The following TXNRD2 variants were observed in gnomAD, a reference collection of about 807,000 sequenced individuals.
The protein encoded by TXNRD2 is thioredoxin reductase 2.
In TXNRD2, 67 loss-of-function variants were observed where a neutral mutation model predicts 70.8. The ratio of observed to expected loss-of-function variants is 0.95; its 90% CI spans 0.78 to 1.16. The LOEUF is 1.16. TXNRD2 is among the 50% of genes most tolerant of loss of function. The pLI is 0.00. For missense variants in TXNRD2, 644 were observed against 719.9 expected (o/e 0.89, Z 1.21); for synonymous variants, 301 against 295.8 (o/e 1.02, Z -0.18).
chr22:19,914,319 C>T (rs1412150105), intron 7 of TXNRD2, among the ~76,000 whole-genome samples: 2 of 152,216 alleles, frequency 1.3e-5, no homozygotes, highest in Admixed American at 1.3e-4. Flanking sequence ...CGGCACTATT[C>T]ATAATAGCTA....
chr22:19,941,808 G>T lies in TXNRD2; in HGVS notation c.-5C>A, dbSNP rs761671459. ...CGCCACCGCCATTGCCGCCATCGTC[G>T]TGGGGCTTCTGGGGCAGCTAGGGCT... On this transcript the variant is annotated 5_prime_UTR_variant, in exon 1 of 18. Coordinates refer to ENST00000400521, the MANE Select transcript of TXNRD2 (RefSeq NM_006440.5). The T allele has an allele frequency of 3.3e-6, 5 of 1,532,898 alleles. No homozygotes were observed. The highest frequency in any genetic ancestry group is 2.6e-5 in the East Asian group (1 of 38,064). The allele number at this position is 1,532,898 out of a possible 1,614,324, so 95.0% of individuals were successfully genotyped here. A position where few individuals can be genotyped will look rare whatever the true frequency, so the allele number is the denominator to read the frequency against.
intron 5 of TXNRD2, 76 bp from the exon 6 acceptor site, chr22:19,915,919 T>C: frequency 7.3e-7 from 1 of 1,366,164 alleles, no homozygotes. Context: ...TAGGGAACAC[T>C]GGTAAAAGGG....
chr22:19,883,215 C>T (rs1180395387), intron 12 of TXNRD2, 110 bp downstream of exon 12: 2 of 1,407,078 alleles, frequency 1.4e-6, no homozygotes, highest in Non-Finnish European at 1.9e-6. Context: ...CCTCTGTCAT[C>T]AGAGAAAGTG....
intron 10 of TXNRD2, among the ~76,000 whole-genome samples, chr22:19,897,726 C>T (rs925862207): frequency 6.6e-6 from 1 of 152,176 alleles, no homozygotes; most frequent in African/African-American, 2.4e-5. Context: ...CAGCACACAC[C>T]GGCCTCTTAC....
chr22:19,941,657 G>A (rs1217337236), intron 1 of TXNRD2, 44 bp downstream of exon 1: 1 of 1,426,954 alleles, frequency 7.0e-7, no homozygotes, highest in Non-Finnish European at 9.1e-7. Context: ...GGACACCCCG[G>A]CCGCGCGGAC....
At chr22:19,896,796 G>T (rs527326005) in intron 10 of TXNRD2, among the ~76,000 whole-genome samples, 159 of 152,308 alleles carry the variant, frequency 1.0e-3, no homozygotes, top group Non-Finnish European at 1.9e-3. Flanking sequence ...TCTAGATGGC[G>T]TGTGTGGGAG....
At chr22:19,912,634 G>T (rs1481356635) in intron 7 of TXNRD2, among the ~76,000 whole-genome samples, 1 of 152,188 alleles carries the variant, frequency 6.6e-6, no homozygotes, top group African/African-American at 2.4e-5. Context: ...CAGGAGAGGG[G>T]ATCACTGGGA....
chr22:19,934,814 G>A (rs912935124), intron 1 of TXNRD2, among the ~76,000 whole-genome samples: 6 of 151,996 alleles, frequency 3.9e-5, no homozygotes, highest in African/African-American at 9.7e-5. Context: ...TGGCTGCCTC[G>A]GCCTCTCAAA....
At chr22:19,920,828 T>C (rs762024922) in intron 2 of TXNRD2, among the ~76,000 whole-genome samples, 53 of 152,250 alleles carry the variant, frequency 3.5e-4, no homozygotes, top group Non-Finnish European at 6.6e-4. Flanking sequence ...CTTGGCTGGG[T>C]GCAGCGGCTC....
chr22:19,927,148 G>A (rs528726837), intron 2 of TXNRD2, among the ~76,000 whole-genome samples: 1 of 152,120 alleles, frequency 6.6e-6, no homozygotes, highest in African/African-American at 2.4e-5. Context: ...ACAAAAATTA[G>A]CTGGGCGTGG....
At chr22:19,941,196 C>T (rs1941700068) in intron 1 of TXNRD2, among the ~76,000 whole-genome samples, 1 of 152,128 alleles carries the variant, frequency 6.6e-6, no homozygotes, top group Admixed American at 6.5e-5. Context: ...TCCTGAGTGA[C>T]CAGACACCCA....
intron 2 of TXNRD2, among the ~76,000 whole-genome samples, chr22:19,920,927 C>T (rs1041815341): frequency 1.3e-5 from 2 of 152,020 alleles, no homozygotes; most frequent in South Asian, 2.1e-4. Context: ...ACGGTGAAAC[C>T]CTGTCTCTAC....
intron 12 of TXNRD2, among the ~76,000 whole-genome samples, chr22:19,882,645 G>A (rs989669325): frequency 9.2e-5 from 14 of 152,212 alleles, no homozygotes; most frequent in Admixed American, 6.5e-5. Context: ...AGCTCTCAGC[G>A]ACCCTCCAGA....
rs149026182 is a variant in TXNRD2, at chr22:19,923,585, G to A, written c.173-3986C>T. Among the ~76,000 whole-genome samples, 381 of 152,228 alleles carry A rather than the reference G, an allele frequency of 2.5e-3. 5 individuals carry two copies. The South Asian group carries it at 0.029, about 12-fold the overall frequency. ...GCAGATCACCTGAGGTCAGGAGTTC[G>A]AGACCAGCCTGACCAACTGTAGTTT... On this transcript the variant is annotated intron_variant, in intron 2 of 17. Coordinates refer to ENST00000400521, the MANE Select transcript of TXNRD2 (RefSeq NM_006440.5).
At chr22:19,941,656 G>T (rs1170532126) in intron 1 of TXNRD2, 45 bp downstream of exon 1, 2 of 1,425,258 alleles carry the variant, frequency 1.4e-6, no homozygotes, top group East Asian at 6.0e-5. Flanking sequence ...AGGACACCCC[G>T]GCCGCGCGGA....
chr22:19,937,633 A>G (rs1378856734), intron 1 of TXNRD2, among the ~76,000 whole-genome samples: 1 of 152,196 alleles, frequency 6.6e-6, no homozygotes, highest in East Asian at 1.9e-4. Context: ...CACGGCAACC[A>G]AACTGGCTCG....
intron 8 of TXNRD2, among the ~76,000 whole-genome samples, chr22:19,909,160 C>T (rs1018641428): frequency 2.0e-5 from 3 of 148,928 alleles, no homozygotes; most frequent in African/African-American, 2.5e-5. Flanking sequence ...GAGCCGAGAT[C>T]GCACCACTGC....
At chr22:19,934,959 GA>G (rs1306065870) in intron 1 of TXNRD2, among the ~76,000 whole-genome samples, 1 of 152,188 alleles carries the variant, frequency 6.6e-6, no homozygotes, top group African/African-American at 2.4e-5. Flanking sequence ...GGACCACTGT[GA>G]TAATTGTGTT....
At chr22:19,912,722 T>C (rs1940467538) in intron 7 of TXNRD2, among the ~76,000 whole-genome samples, 1 of 152,214 alleles carries the variant, frequency 6.6e-6, no homozygotes, top group Admixed American at 6.5e-5. Context: ...CCCACCTCTG[T>C]GCATAAGCAA....
Sources: gnomAD v4.1 joint callset for allele counts (sites outside exome capture counted in the v4.1 genomes callset) on GRCh38, gnomAD v4.1.1 for gene constraint, MANE v1.5 for transcripts, NCBI Gene and HGNC (gene_info 2026-07-23, HGNC 2026-07-21) for gene names.